Variants in UST observed in about 807,000 individuals in gnomAD.
UST encodes uronyl 2-sulfotransferase, also known as chondroitin sulfate 2-O-sulfotransferase.
In UST, 21 loss-of-function variants were observed where a neutral mutation model predicts 45.6. The ratio of observed to expected loss-of-function variants is 0.46; its 90% CI spans 0.33 to 0.66. The LOEUF (loss-of-function observed/expected upper bound fraction) is 0.66, where lower values mean the gene tolerates loss of function less well. Among genes scored for constraint, UST ranks in the 30% least tolerant of loss-of-function variants. UST has a pLI of 0.02. For synonymous variants in UST, 215 were observed against 200.6 expected (o/e 1.07, Z -0.61); for missense variants, 463 against 512.4 (o/e 0.90, Z 0.93).
At chr6:148,823,192 C>T (rs1582833737) in intron 1 of UST, among the ~76,000 whole-genome samples, 1 of 152,262 alleles carries the variant, frequency 6.6e-6, no homozygotes, top group Admixed American at 6.5e-5. Context: ...GCTTTTCTTG[C>T]ATAACTACAT....
intron 7 of UST, among the ~76,000 whole-genome samples, chr6:149,042,004 A>G (rs1194702094): frequency 6.6e-6 from 1 of 152,266 alleles, no homozygotes; most frequent in African/African-American, 2.4e-5. Flanking sequence ...AAATACTAGA[A>G]CAGTACTTTC....
intron 5 of UST, among the ~76,000 whole-genome samples, chr6:148,994,177 G>C (rs2114995774): frequency 6.6e-6 from 1 of 151,904 alleles, no homozygotes; most frequent in African/African-American, 2.4e-5. Context: ...TTGCCATGTT[G>C]GCCAAGCTGA....
At chr6:148,974,721 C>T (rs923963548) in intron 5 of UST, among the ~76,000 whole-genome samples, 2 of 152,168 alleles carry the variant, frequency 1.3e-5, no homozygotes, top group Non-Finnish European at 2.9e-5. Context: ...TTTAAAACAC[C>T]GATCTGCAAG....
intron 2 of UST, among the ~76,000 whole-genome samples, chr6:148,922,823 C>T (rs1779738933): frequency 1.3e-5 from 2 of 151,600 alleles, no homozygotes; most frequent in Non-Finnish European, 2.9e-5. Flanking sequence ...GATGGAGTCT[C>T]TCTCTGTCAC....
chr6:148,921,621 C>T (rs941133579), intron 2 of UST, among the ~76,000 whole-genome samples: 30 of 152,180 alleles, frequency 2.0e-4, no homozygotes, highest in African/African-American at 7.0e-4. Flanking sequence ...CTTTGGAATG[C>T]ACACATCCCT....
In UST at chr6:148,853,539, C is replaced by T. The variant is rs145789156; in HGVS notation, c.248-33447C>T. ...CTAGGTCTCTGAGGAATTGTCACAC[C>T]GTCTTCCACAATGGTTGAACTAATT... On this transcript the variant is annotated intron_variant, in intron 1 of 7. Transcript: ENST00000367463. 3.4e-3 allele frequency among the ~76,000 whole-genome samples: 512 copies of T among 152,206 alleles called. 1 individual carries two copies. The highest frequency in any genetic ancestry group is 0.012 in the African/African-American group (494 of 41,520).
chr6:148,819,930 G>C (rs1229729226), intron 1 of UST, among the ~76,000 whole-genome samples: 1 of 152,198 alleles, frequency 6.6e-6, no homozygotes, highest in Non-Finnish European at 1.5e-5. Flanking sequence ...ATACCCTTCA[G>C]CTTTTTCCAC....
At chr6:148,984,822 A>C (rs771148976) in intron 5 of UST, among the ~76,000 whole-genome samples, 1 of 152,218 alleles carries the variant, frequency 6.6e-6, no homozygotes, top group Non-Finnish European at 1.5e-5. Context: ...ATTTTCATTT[A>C]GAAAATCTTG....
intron 7 of UST, among the ~76,000 whole-genome samples, chr6:149,024,793 C>T (rs1776026414): frequency 6.6e-6 from 1 of 152,030 alleles, no homozygotes; most frequent in South Asian, 2.1e-4. Context: ...GATTAGAGAA[C>T]AGAGAGAAGA....
At chr6:148,917,133 G>T (rs368219117) in intron 2 of UST, among the ~76,000 whole-genome samples, 5 of 152,336 alleles carry the variant, frequency 3.3e-5, no homozygotes, top group African/African-American at 9.6e-5. Flanking sequence ...GCTCCAAATT[G>T]AGACAGTGGC....
At chr6:149,010,913 A>AAAACAAAAAC (rs1554234079) in intron 5 of UST, among the ~76,000 whole-genome samples, 3 of 92,968 alleles carry the variant, frequency 3.2e-5, no homozygotes, top group East Asian at 2.9e-4. Context: ...AAAAAAAAAA[A>AAAACAAAAAC]AAAAAACTGT....
intron 5 of UST, among the ~76,000 whole-genome samples, chr6:149,011,693 T>A (rs2115013806): frequency 6.6e-6 from 1 of 152,272 alleles, no homozygotes; most frequent in African/African-American, 2.4e-5. Flanking sequence ...GTGCCTGTAG[T>A]TCCAGCTACT....
At chr6:148,981,953 G>A (rs1781144987) in intron 5 of UST, among the ~76,000 whole-genome samples, 2 of 152,166 alleles carry the variant, frequency 1.3e-5, no homozygotes, top group African/African-American at 2.4e-5. Flanking sequence ...AGACTGCTAA[G>A]TCCAAGATCA....
chr6:148,861,900 G>A (rs1418603486), intron 1 of UST, among the ~76,000 whole-genome samples: 2 of 152,002 alleles, frequency 1.3e-5, no homozygotes, highest in African/African-American at 4.8e-5. Flanking sequence ...CATTTGCTGA[G>A]GAGTGCTTTA....
intron 2 of UST, among the ~76,000 whole-genome samples, chr6:148,902,251 G>A (rs938968758): frequency 6.6e-5 from 10 of 151,996 alleles, no homozygotes; most frequent in Admixed American, 6.6e-5. Flanking sequence ...CAGAAAGATA[G>A]GATTTCACTC....
chr6:148,986,462 T>C (rs1435318855), intron 5 of UST, among the ~76,000 whole-genome samples: 2 of 152,234 alleles, frequency 1.3e-5, no homozygotes, highest in Non-Finnish European at 2.9e-5. Context: ...TTTTTTATTT[T>C]TAGGAATTGC....
At chr6:148,789,474 C>T (rs1303604265) in intron 1 of UST, among the ~76,000 whole-genome samples, 1 of 151,898 alleles carries the variant, frequency 6.6e-6, no homozygotes, top group Non-Finnish European at 1.5e-5. Context: ...CACACACACA[C>T]ACACACACAC....
intron 1 of UST, among the ~76,000 whole-genome samples, chr6:148,821,302 G>A (rs374852209): frequency 6.6e-6 from 1 of 151,674 alleles, no homozygotes; most frequent in East Asian, 1.9e-4. Flanking sequence ...ATCCAATAAC[G>A]TTGTAGAATT....
At chr6:148,877,646 G>GA (rs1353641651) in intron 1 of UST, among the ~76,000 whole-genome samples, 7 of 138,546 alleles carry the variant, frequency 5.1e-5, no homozygotes, top group Non-Finnish European at 6.3e-5. Flanking sequence ...TGAGTGTGGG[G>GA]TCGTGTATGA....
Sources: allele counts gnomAD v4.1 joint callset (sites outside exome capture counted in the v4.1 genomes callset), GRCh38; gene constraint gnomAD v4.1.1; transcripts MANE v1.5; gene names NCBI Gene and HGNC (gene_info 2026-07-23, HGNC 2026-07-21).